HMGA2: variants seen among roughly 807,000 people sequenced by gnomAD.
HMGA2 encodes high mobility group AT-hook 2.
Under a neutral mutation model 19.1 loss-of-function variants are expected in HMGA2, and 8 were observed. That is an observed-to-expected ratio of 0.42 (90% CI 0.25 to 0.76). The LOEUF (loss-of-function observed/expected upper bound fraction) is 0.76, where lower values mean the gene tolerates loss of function less well. Among genes scored for constraint, HMGA2 ranks in the 30% least tolerant of loss-of-function variants. The pLI, the probability that HMGA2 is intolerant of heterozygous loss-of-function variation, is 0.28. For synonymous variants in HMGA2, 60 were observed against 48.8 expected (o/e 1.23, Z -0.96); for missense variants, 109 against 136.3 (o/e 0.80, Z 1.00).
intron 2 of HMGA2, chr12:65,829,102 A>G (rs1452876323): frequency 1.3e-5 from 2 of 152,154 alleles, no homozygotes; most frequent in East Asian, 1.9e-4. Flanking sequence ...AGAAAGGACT[A>G]TATGCTCATC....
At chr12:65,829,514 AT>A (rs1343756073) in intron 2 of HMGA2, among the ~76,000 whole-genome samples, 1 of 151,940 alleles carries the variant, frequency 6.6e-6, no homozygotes, top group Non-Finnish European at 1.5e-5. Context: ...AGTTTACCTA[AT>A]TTACTTTTAT....
rs576507423 is a variant in HMGA2, at chr12:65,962,235, T to C, written c.283-1010T>C. 1.1e-4 allele frequency among the ~76,000 whole-genome samples: 16 copies of C among 152,332 alleles called. No individual in the cohort carries two copies. The East Asian group carries it at 2.3e-3, about 22-fold the overall frequency. Reference sequence around the variant, plus strand: ...CGACGCTTTTATCGGAAATGTTTATTGTCTCCGCTTTACCACCCATGTCCT... The same window carrying C: ...CGACGCTTTTATCGGAAATGTTTATCGTCTCCGCTTTACCACCCATGTCCT... On this transcript the variant is annotated intron_variant, in intron 4 of 4. Coordinates refer to ENST00000403681, the MANE Select transcript of HMGA2 (RefSeq NM_003483.6).
At chr12:65,919,965 C>T (rs1410000311) in intron 3 of HMGA2, among the ~76,000 whole-genome samples, 1 of 152,170 alleles carries the variant, frequency 6.6e-6, no homozygotes, top group Non-Finnish European at 1.5e-5. Context: ...TGTCACTTTT[C>T]TTGTGCACAA....
At chr12:65,882,118 C>T (rs1314684862) in intron 3 of HMGA2, 1 of 470,108 alleles carries the variant, frequency 2.1e-6, no homozygotes, top group Non-Finnish European at 3.9e-6. Flanking sequence ...CTGACAAAAG[C>T]AACCTTAGTC....
intron 2 of HMGA2, among the ~76,000 whole-genome samples, chr12:65,835,006 C>G (rs1870652742): frequency 6.6e-6 from 1 of 152,168 alleles, no homozygotes. Flanking sequence ...GTGCTGGTAA[C>G]AGTCTGAAAT....
chr12:65,941,440 A>G (rs1036043587), intron 3 of HMGA2, among the ~76,000 whole-genome samples: 1 of 152,222 alleles, frequency 6.6e-6, no homozygotes, highest in Non-Finnish European at 1.5e-5. Context: ...GGAATAGTTA[A>G]TGTTTCTCGG....
chr12:65,886,930 C>T (rs755044649), intron 3 of HMGA2, among the ~76,000 whole-genome samples: 3 of 152,302 alleles, frequency 2.0e-5, no homozygotes, highest in Non-Finnish European at 2.9e-5. Flanking sequence ...TTGCCTTCCT[C>T]AGTTTCCCTT....
intron 2 of HMGA2, among the ~76,000 whole-genome samples, chr12:65,830,046 C>T (rs1870409703): frequency 6.6e-6 from 1 of 151,920 alleles, no homozygotes; most frequent in Admixed American, 6.6e-5. Flanking sequence ...ATCTTTCATT[C>T]TTTCAGACAC....
intron 3 of HMGA2, among the ~76,000 whole-genome samples, chr12:65,865,844 A>G (rs554537342): frequency 2.0e-5 from 3 of 150,636 alleles, no homozygotes; most frequent in Non-Finnish European, 4.4e-5. Context: ...GGGTTTCATC[A>G]TGTTAGCCAG....
chr12:65,960,796 T>C (rs927861549), intron 4 of HMGA2, among the ~76,000 whole-genome samples: 2 of 152,138 alleles, frequency 1.3e-5, no homozygotes, highest in African/African-American at 4.8e-5. Flanking sequence ...AAAACAACTA[T>C]CCACATTGTC....
chr12:65,827,946 C>A lies in HMGA2; in HGVS notation c.112-55C>A. The A allele has an allele frequency of 3.3e-6, 4 of 1,228,760 alleles. No homozygotes were observed. In the South Asian group the frequency reaches 3.6e-5, roughly 11 times the overall value. The allele number at this position is 1,228,760 out of a possible 1,614,324, so 76.1% of individuals were successfully genotyped here. A position where few individuals can be genotyped will look rare whatever the true frequency, so the allele number is the denominator to read the frequency against. On this transcript the variant is annotated intron_variant, in intron 1 of 4. Transcript: ENST00000403681. Reference sequence around the variant, plus strand: ...GAAAATATAGCTAAAGAGTCAGGGTCAATTTCTTTCAGACATTCTTGCCAC... The same window carrying A: ...GAAAATATAGCTAAAGAGTCAGGGTAAATTTCTTTCAGACATTCTTGCCAC...
chr12:65,902,260 T>A (rs1874403387), intron 3 of HMGA2, among the ~76,000 whole-genome samples: 1 of 152,212 alleles, frequency 6.6e-6, no homozygotes, highest in South Asian at 2.1e-4. Context: ...ATCATCTTAA[T>A]TTGTCTTCCA....
chr12:65,920,049 T>C (rs1875247586), intron 3 of HMGA2, among the ~76,000 whole-genome samples: 1 of 152,346 alleles, frequency 6.6e-6, no homozygotes, highest in East Asian at 1.9e-4. Context: ...AGCCAATACA[T>C]AGCTGGTAGT....
intron 3 of HMGA2, among the ~76,000 whole-genome samples, chr12:65,861,897 C>T (rs1008326291): frequency 6.0e-5 from 9 of 148,802 alleles, no homozygotes; most frequent in African/African-American, 1.5e-4. Context: ...CAGGCTGGAG[C>T]GCAATGGCGC....
intron 2 of HMGA2, among the ~76,000 whole-genome samples, chr12:65,837,662 A>G (rs1315831039): frequency 1.3e-5 from 2 of 152,170 alleles, no homozygotes; most frequent in Non-Finnish European, 2.9e-5. Flanking sequence ...TGAAGATTGG[A>G]CTAGGGCTGA....
intron 3 of HMGA2, among the ~76,000 whole-genome samples, chr12:65,842,411 A>T (rs1395640251): frequency 6.6e-6 from 1 of 152,236 alleles, no homozygotes; most frequent in East Asian, 1.9e-4. Flanking sequence ...GCTAAACCTT[A>T]ATTACTTACA....
chr12:65,860,535 T>G (rs1369173114), intron 3 of HMGA2, among the ~76,000 whole-genome samples: 1 of 152,252 alleles, frequency 6.6e-6, no homozygotes, highest in Non-Finnish European at 1.5e-5. Context: ...TTTACCAGTT[T>G]TGTAAACTCC....
intron 3 of HMGA2, among the ~76,000 whole-genome samples, chr12:65,937,979 T>C (rs1875953577): frequency 6.6e-6 from 1 of 152,186 alleles, no homozygotes; most frequent in African/African-American, 2.4e-5. Flanking sequence ...ACCCTCTCCA[T>C]GGCCCTGGGG....
chr12:65,918,988 A>G (rs1475346774), intron 3 of HMGA2, among the ~76,000 whole-genome samples: 2 of 152,226 alleles, frequency 1.3e-5, no homozygotes, highest in African/African-American at 4.8e-5. Flanking sequence ...GGGAAGGGGT[A>G]CGGTTCTGAT....
Sources: allele counts gnomAD v4.1 joint callset (sites outside exome capture counted in the v4.1 genomes callset), GRCh38; gene constraint gnomAD v4.1.1; transcripts MANE v1.5; gene names NCBI Gene and HGNC (gene_info 2026-07-23, HGNC 2026-07-21).